Variants in C1GALT1 observed in about 807,000 individuals in gnomAD.
C1GALT1 encodes core 1 synthase, glycoprotein-N-acetylgalactosamine 3-beta-galactosyltransferase 1.
In C1GALT1, 11 loss-of-function variants were observed where a neutral mutation model predicts 31.0. The observed-to-expected ratio is 0.36, with a 90% CI of 0.22 to 0.59. The LOEUF (loss-of-function observed/expected upper bound fraction) is 0.59. Among genes scored for constraint, C1GALT1 ranks in the 20% least tolerant of loss-of-function variants. The probability of loss-of-function intolerance (pLI) is 0.79; values close to 1 mark genes in which losing one functional copy is unlikely to be tolerated. For synonymous variants in C1GALT1, 175 were observed against 143.6 expected, an observed-to-expected ratio of 1.22 and a Z score of -1.56; for missense variants, 424 against 425.2, an observed-to-expected ratio of 1.00 and a Z score of 0.03.
intron 1 of C1GALT1, among the ~76,000 whole-genome samples, chr7:7,214,614 A>T (rs952138084): frequency 1.3e-5 from 2 of 152,296 alleles, no homozygotes; most frequent in East Asian, 3.9e-4. Context: ...AACAAGGCTT[A>T]ATCAGGTAAT....
chr7:7,165,335 A>C (rs1409147536), intron 2 of C1GALT1, among the ~76,000 whole-genome samples: 1 of 152,182 alleles, frequency 6.6e-6, no homozygotes, highest in Non-Finnish European at 1.5e-5. Flanking sequence ...AGGAGCCTTG[A>C]CTATTTTTCC....
In C1GALT1 at chr7:7,248,076, G is replaced by A. The variant is rs1783918584; in HGVS notation, c.*4349G>A. ...TTTCTACTTTATAGTAGGCCTGACA[G>A]AAACATAGTGAAGCAATCTGGGAGG... On this transcript the variant is annotated 3_prime_UTR_variant, in exon 4 of 4. Transcript: ENST00000436587. 2 of 151,978 alleles carry A rather than the reference G, an allele frequency of 1.3e-5. No individual in the cohort carries two copies. Among genetic ancestry groups the A allele is most frequent in the South Asian group, 4.1e-4 (2 of 4,834 alleles). 9.4% of individuals were successfully genotyped at this position (151,978 alleles called of 1,614,324 possible). A position where few individuals can be genotyped will look rare whatever the true frequency, so the allele number is the denominator to read the frequency against.
At chr7:7,177,200 C>G (rs963788876) in intron 2 of C1GALT1, among the ~76,000 whole-genome samples, 1 of 152,170 alleles carries the variant, frequency 6.6e-6, no homozygotes, top group East Asian at 1.9e-4. Flanking sequence ...GGACTTGAGT[C>G]TCACACTAAG....
intron 1 of C1GALT1, among the ~76,000 whole-genome samples, chr7:7,225,453 C>T (rs926473845): frequency 2.0e-5 from 3 of 152,194 alleles, no homozygotes; most frequent in African/African-American, 4.8e-5. Context: ...TGGCAGCTTA[C>T]ATCTGCTTAT....
chr7:7,209,030 T>C (rs1781875005), intron 1 of C1GALT1, among the ~76,000 whole-genome samples: 1 of 152,240 alleles, frequency 6.6e-6, no homozygotes, highest in Non-Finnish European at 1.5e-5. Flanking sequence ...CTTGGTGCTT[T>C]CTACTCTACT....
intron 2 of C1GALT1, among the ~76,000 whole-genome samples, chr7:7,177,298 C>T (rs565899144): frequency 6.6e-6 from 1 of 152,264 alleles, no homozygotes; most frequent in Admixed American, 6.5e-5. Flanking sequence ...TCATCTCTAC[C>T]TTTGATGTTC....
chr7:7,164,240 G>A (rs1048785976), intron 2 of C1GALT1, among the ~76,000 whole-genome samples: 1 of 152,288 alleles, frequency 6.6e-6, no homozygotes, highest in African/African-American at 2.4e-5. Context: ...TTAATAAATG[G>A]TGCTGGGGAA....
intron 1 of C1GALT1, among the ~76,000 whole-genome samples, chr7:7,183,792 A>G (rs756209299): frequency 6.6e-6 from 1 of 151,956 alleles, no homozygotes. Context: ...ATACTACTGT[A>G]TTTCCTTTTA....
At chr7:7,160,962 A>G (rs1191164273) in intron 2 of C1GALT1, among the ~76,000 whole-genome samples, 1 of 152,116 alleles carries the variant, frequency 6.6e-6, no homozygotes, top group African/African-American at 2.4e-5. Context: ...ATAATTTACA[A>G]TCAACTTAAA....
chr7:7,163,794 C>G (rs1258750134), intron 2 of C1GALT1, among the ~76,000 whole-genome samples: 1 of 152,010 alleles, frequency 6.6e-6, no homozygotes, highest in Non-Finnish European at 1.5e-5. Context: ...GAACTACAAA[C>G]CACTGCTCAA....
At position 7,238,355 on chromosome 7, in the gene C1GALT1, C is replaced by A; in HGVS notation, c.321C>A (p.Val107=). 6.2e-7 allele frequency: 1 copy of A among 1,614,088 alleles called. No homozygotes were observed. The highest frequency in any genetic ancestry group is 8.5e-7 in the Non-Finnish European group (1 of 1,179,986). ...PQNLEKKAKH[V]KATWAQRCNK... ...ACCTAGAGAAAAAGGCCAAACACGT[C>A]AAAGCTACTTGGGCCCAGCGTTGTA... The change falls in exon 3 of 4, where the codon GTC becomes GTA. Residue 107 remains valine, a synonymous_variant. Transcript: ENST00000436587. This position sits in a 1 kb window ranked among gnomAD's most constrained non-coding sequence, Gnocchi z 5.2.
intron 2 of C1GALT1, among the ~76,000 whole-genome samples, chr7:7,159,819 T>C (rs1478217562): frequency 6.6e-6 from 1 of 152,172 alleles, no homozygotes; most frequent in Non-Finnish European, 1.5e-5. Context: ...CATTTTCCTA[T>C]AGAAACACTG....
chr7:7,204,097 GT>G (rs74853892), intron 1 of C1GALT1, among the ~76,000 whole-genome samples: 89 of 129,630 alleles, frequency 6.9e-4, no homozygotes, highest in Admixed American at 2.4e-3. Flanking sequence ...CTCCTCTTCT[GT>G]TTTTTTTTTT....
At chr7:7,216,747 A>G (rs1410749000) in intron 1 of C1GALT1, among the ~76,000 whole-genome samples, 1 of 152,194 alleles carries the variant, frequency 6.6e-6, no homozygotes, top group African/African-American at 2.4e-5. Context: ...TGATGGGACA[A>G]TATCGGGACT....
intron 1 of C1GALT1, among the ~76,000 whole-genome samples, chr7:7,233,120 A>G (rs1048468537): frequency 6.6e-6 from 1 of 152,166 alleles, no homozygotes; most frequent in Non-Finnish European, 1.5e-5. Flanking sequence ...TTGTTAACAA[A>G]AGCTTAAAAA....
At chr7:7,188,650 C>T (rs769087483) in intron 1 of C1GALT1, among the ~76,000 whole-genome samples, 12 of 151,968 alleles carry the variant, frequency 7.9e-5, no homozygotes, top group Non-Finnish European at 1.2e-4. Flanking sequence ...AGAGATAGCT[C>T]TTGTTAAATA....
At chr7:7,187,130 C>T (rs1381075925) in intron 1 of C1GALT1, among the ~76,000 whole-genome samples, 1 of 152,122 alleles carries the variant, frequency 6.6e-6, no homozygotes, top group Non-Finnish European at 1.5e-5. Context: ...AGAAGAGGTA[C>T]AAGACTAAAA....
At chr7:7,165,456 T>A (rs889376937) in intron 2 of C1GALT1, among the ~76,000 whole-genome samples, 1 of 152,152 alleles carries the variant, frequency 6.6e-6, no homozygotes, top group Non-Finnish European at 1.5e-5. Context: ...GTGTCCATAT[T>A]TGGATTAAAG....
intron 1 of C1GALT1, among the ~76,000 whole-genome samples, chr7:7,218,006 G>T (rs762334797): frequency 1.1e-4 from 17 of 152,166 alleles, no homozygotes; most frequent in Non-Finnish European, 1.9e-4. Context: ...TGCCATTTGC[G>T]GGGAGCTTTA....
Sources: allele counts gnomAD v4.1 joint callset (sites outside exome capture counted in the v4.1 genomes callset), GRCh38; gene constraint gnomAD v4.1.1; non-coding constraint Gnocchi (gnomAD v3.1); transcripts MANE v1.5; gene names NCBI Gene and HGNC (gene_info 2026-07-23, HGNC 2026-07-21).